CA10: variants seen among roughly 807,000 people sequenced by gnomAD.
CA10 encodes carbonic anhydrase 10 (inactive), also known as carbonic anhydrase-related protein 10.
Under a neutral mutation model 44.2 loss-of-function variants are expected in CA10, and 14 were observed. The ratio of observed to expected loss-of-function variants is 0.32; its 90% CI spans 0.21 to 0.50. CA10 has a LOEUF of 0.50. Among genes scored for constraint, CA10 ranks in the 20% least tolerant of loss-of-function variants. The probability of loss-of-function intolerance (pLI) is 0.99; values close to 1 mark genes in which losing one functional copy is unlikely to be tolerated. For missense variants in CA10, 350 were observed against 409.7 expected, an observed-to-expected ratio of 0.85 and a Z score of 1.26; for synonymous variants, 159 against 141.6, an observed-to-expected ratio of 1.12 and a Z score of -0.87.
At chr17:51,774,445 C>CTTT (rs11441373) in intron 3 of CA10, among the ~76,000 whole-genome samples, 13 of 146,392 alleles carry the variant, frequency 8.9e-5, no homozygotes, top group African/African-American at 3.3e-4. Flanking sequence ...CATTTAAGGT[C>CTTT]TTTTTTTTTT....
At chr17:51,914,097 A>G (rs966020711) in intron 3 of CA10, among the ~76,000 whole-genome samples, 1 of 152,122 alleles carries the variant, frequency 6.6e-6, no homozygotes, top group African/African-American at 2.4e-5. Context: ...TTTAAAAGTT[A>G]TTCCTGATCC....
At position 51,985,204 on chromosome 17, in the gene CA10, G is replaced by A. The variant is rs1446252438; in HGVS notation, c.137-54072C>T. On this transcript the variant is annotated intron_variant, in intron 2 of 8. Coordinates refer to ENST00000451037, the MANE Select transcript of CA10 (RefSeq NM_020178.5). ...GTTTCATACCAGGGATGGAGGGATG[G>A]TTTAAAATATGCAAGCCAATAAATG... 3.3e-5 allele frequency among the ~76,000 whole-genome samples: 5 copies of A among 152,034 alleles called. No individual in the cohort carries two copies. The South Asian group carries it at 1.0e-3, about 32-fold the overall frequency.
chr17:51,644,800 CTTTTTTTT>C (rs148441183), intron 6 of CA10, among the ~76,000 whole-genome samples: 1 of 121,130 alleles, frequency 8.3e-6, no homozygotes, highest in Non-Finnish European at 1.7e-5. Flanking sequence ...CATTTCTTGG[CTTTTTTTT>C]TTTTTTTTTT....
chr17:51,999,021 G>C (rs930514038), intron 2 of CA10, among the ~76,000 whole-genome samples: 6 of 152,046 alleles, frequency 3.9e-5, no homozygotes, highest in Admixed American at 3.9e-4. Context: ...GGGTGGTTCT[G>C]AATTAATGAT....
intron 3 of CA10, among the ~76,000 whole-genome samples, chr17:51,783,646 G>A (rs1398677024): frequency 6.6e-6 from 1 of 152,152 alleles, no homozygotes; most frequent in African/African-American, 2.4e-5. Context: ...AAAAGAAAAG[G>A]AGACAAGAAA....
chr17:51,898,603 T>C (rs981806146), intron 3 of CA10, among the ~76,000 whole-genome samples: 1 of 152,150 alleles, frequency 6.6e-6, no homozygotes, highest in African/African-American at 2.4e-5. Context: ...CCTCAGCTTT[T>C]AGGAAAAGTT....
intron 2 of CA10, among the ~76,000 whole-genome samples, chr17:52,043,344 ATTG>A (rs1410723095): frequency 6.6e-6 from 1 of 151,848 alleles, no homozygotes; most frequent in African/African-American, 2.4e-5. Flanking sequence ...TGTAAATTTG[ATTG>A]TTTTCTTAAT....
chr17:52,101,515 T>G lies in CA10; in HGVS notation c.62-29122A>C, dbSNP rs562133366. Among the ~76,000 whole-genome samples the G allele has an allele frequency of 6.6e-5, 10 of 152,292 alleles. No homozygotes were observed. The South Asian group carries it at 2.1e-3, about 32-fold the overall frequency. On this transcript the variant is annotated intron_variant, in intron 1 of 8. Coordinates refer to ENST00000451037, the MANE Select transcript of CA10 (RefSeq NM_020178.5). ...CACCACTAGAAAGGAGCATACAGCT[T>G]TTGGACTTGCTAGATCCTCATACCT...
chr17:51,800,936 C>T (rs1906903897), intron 3 of CA10, among the ~76,000 whole-genome samples: 1 of 152,156 alleles, frequency 6.6e-6, no homozygotes, highest in Non-Finnish European at 1.5e-5. Context: ...TACTTGCCCT[C>T]TCTGGTCCTA....
intron 2 of CA10, among the ~76,000 whole-genome samples, chr17:52,032,649 G>A (rs1986502221): frequency 6.6e-6 from 1 of 152,136 alleles, no homozygotes; most frequent in Non-Finnish European, 1.5e-5. Flanking sequence ...CATGAAAAGA[G>A]AATAAAATAT....
intron 2 of CA10, among the ~76,000 whole-genome samples, chr17:52,033,950 C>T (rs1195252688): frequency 2.6e-4 from 40 of 152,106 alleles, no homozygotes; most frequent in Non-Finnish European, 8.8e-5. Flanking sequence ...ACAAATATTG[C>T]GTGATATCAC....
At chr17:51,870,451 A>C (rs1979750451) in intron 3 of CA10, among the ~76,000 whole-genome samples, 1 of 152,250 alleles carries the variant, frequency 6.6e-6, no homozygotes, top group Admixed American at 6.5e-5. Flanking sequence ...AAATCAAATA[A>C]GTCCATCAAG....
intron 1 of CA10, among the ~76,000 whole-genome samples, chr17:52,142,755 C>T (rs1418003594): frequency 3.3e-5 from 5 of 151,980 alleles, no homozygotes; most frequent in African/African-American, 1.2e-4. Flanking sequence ...CGCTCATATT[C>T]CTCACAACCT....
At chr17:51,837,578 T>C (rs1978291537) in intron 3 of CA10, among the ~76,000 whole-genome samples, 1 of 152,194 alleles carries the variant, frequency 6.6e-6, no homozygotes, top group African/African-American at 2.4e-5. Context: ...CCTCCTTTAT[T>C]CCAAAGCATT....
intron 1 of CA10, among the ~76,000 whole-genome samples, chr17:52,092,299 A>G (rs781048086): frequency 1.3e-5 from 2 of 152,190 alleles, no homozygotes; most frequent in South Asian, 4.1e-4. Context: ...TACTTTATAT[A>G]CACTATTTAA....
intron 2 of CA10, among the ~76,000 whole-genome samples, chr17:52,053,456 A>G (rs533042558): frequency 6.6e-6 from 1 of 152,260 alleles, no homozygotes; most frequent in South Asian, 2.1e-4. Flanking sequence ...ACTTGCAAGA[A>G]TTTAGCAAAC....
chr17:51,931,165 G>A (rs1278781007), intron 2 of CA10, 33 bp from the exon 3 acceptor site: 1 of 1,608,162 alleles, frequency 6.2e-7, no homozygotes, highest in South Asian at 1.1e-5. Flanking sequence ...GAATTAGGCT[G>A]AGTAGCAGGT....
Position 51,768,582 on chromosome 17 carries a change from T to C in CA10, c.280-20764A>G, listed in dbSNP as rs552410995. ...TTCTGCAATGAGGATGTCATCTGCT[T>C]ACATGGGGAGAGACATTTATGAGGC... On this transcript the variant is annotated intron_variant, in intron 3 of 8. Transcript: ENST00000451037. Among the ~76,000 whole-genome samples the C allele has an allele frequency of 2.4e-3, 367 of 152,322 alleles. 1 individual carries two copies. Among genetic ancestry groups the C allele is most frequent in the Middle Eastern group, 6.8e-3 (2 of 294 alleles).
chr17:51,697,234 G>A (rs935098005), intron 4 of CA10, among the ~76,000 whole-genome samples: 2 of 152,104 alleles, frequency 1.3e-5, no homozygotes, highest in Non-Finnish European at 2.9e-5. Flanking sequence ...TAGCTTCATG[G>A]TGAGGATTAA....
Sources: gnomAD v4.1 joint callset for allele counts (sites outside exome capture counted in the v4.1 genomes callset) on GRCh38, gnomAD v4.1.1 for gene constraint, MANE v1.5 for transcripts, NCBI Gene and HGNC (gene_info 2026-07-23, HGNC 2026-07-21) for gene names.